Variants in KCNJ6 observed in about 807,000 individuals in gnomAD.
The protein encoded by KCNJ6 is potassium inwardly rectifying channel subfamily J member 6, also known as G protein-activated inward rectifier potassium channel 2.
KCNJ6 carries 9 observed loss-of-function variants against 34.2 expected under a neutral mutation model. That is an observed-to-expected ratio of 0.26 (90% CI 0.16 to 0.46). The LOEUF is 0.46. KCNJ6 is among the 20% of genes least tolerant of loss of function. The pLI is 1.00. For missense variants in KCNJ6, 236 were observed against 531.3 expected (o/e 0.44, Z 5.46); for synonymous variants, 196 against 207.1 (o/e 0.95, Z 0.46).
intron 2 of KCNJ6, among the ~76,000 whole-genome samples, chr21:37,792,503 T>C (rs2055221591): frequency 1.3e-5 from 2 of 152,228 alleles, no homozygotes; most frequent in South Asian, 2.1e-4. Context: ...TGCAATATTA[T>C]GGGAAAAGCA....
intron 1 of KCNJ6, among the ~76,000 whole-genome samples, chr21:37,854,252 C>T (rs1035861875): frequency 3.3e-5 from 5 of 151,394 alleles, no homozygotes; most frequent in Admixed American, 2.6e-4. Context: ...AGATGTACCA[C>T]ACAAGCATTA....
At chr21:37,769,760 C>T (rs1293979050) in intron 2 of KCNJ6, among the ~76,000 whole-genome samples, 1 of 152,056 alleles carries the variant, frequency 6.6e-6, no homozygotes, top group Non-Finnish European at 1.5e-5. Context: ...AAAGGTGGGG[C>T]CTTTAAGAGG....
chr21:37,690,785 T>C (rs2054636081), intron 3 of KCNJ6, among the ~76,000 whole-genome samples: 1 of 150,502 alleles, frequency 6.6e-6, no homozygotes, highest in Non-Finnish European at 1.5e-5. Flanking sequence ...TCTTTTCTTT[T>C]TTTTTTTTTT....
rs1274798766 is a variant in KCNJ6, at chr21:37,800,221, T to G, written c.25+40437A>C. ...AGAGGTAGCTGGGCAGAGGCTGAGCTAGCATGACACACCAAGTTGCCCACT... is the reference window on the plus strand; with the variant it reads ...AGAGGTAGCTGGGCAGAGGCTGAGCGAGCATGACACACCAAGTTGCCCACT... On this transcript the variant is annotated intron_variant, in intron 2 of 3. Coordinates refer to ENST00000609713, the MANE Select transcript of KCNJ6 (RefSeq NM_002240.5). 7.2e-5 allele frequency among the ~76,000 whole-genome samples: 11 copies of G among 152,162 alleles called. No individual in the cohort carries two copies. The South Asian group carries it at 2.3e-3, about 32-fold the overall frequency.
chr21:37,752,171 C>A (rs780896565), intron 2 of KCNJ6, among the ~76,000 whole-genome samples: 1 of 152,164 alleles, frequency 6.6e-6, no homozygotes, highest in Non-Finnish European at 1.5e-5. Flanking sequence ...TAGGTCAAGG[C>A]GGGCTGCTCT....
At chr21:37,855,866 ACTCT>A (rs141594248) in intron 1 of KCNJ6, among the ~76,000 whole-genome samples, 1 of 152,122 alleles carries the variant, frequency 6.6e-6, no homozygotes, top group Non-Finnish European at 1.5e-5. Flanking sequence ...AGAAAAAATG[ACTCT>A]CTCCACTTTT....
chr21:37,913,741 C>T (rs1174053381), intron 1 of KCNJ6, among the ~76,000 whole-genome samples: 1 of 152,170 alleles, frequency 6.6e-6, no homozygotes, highest in South Asian at 2.1e-4. Context: ...TCGCTTGAAA[C>T]CGGGACGCAG....
chr21:37,667,572 G>A (rs1321061756), intron 3 of KCNJ6, among the ~76,000 whole-genome samples: 1 of 149,564 alleles, frequency 6.7e-6, no homozygotes, highest in Non-Finnish European at 1.5e-5. Context: ...AGGCTCCAGG[G>A]TAGTGGGTGC....
chr21:37,909,723 G>T lies in KCNJ6; in HGVS notation c.-28+6161C>A, dbSNP rs181636252. Among the ~76,000 whole-genome samples, 94 of 152,212 alleles carry T rather than the reference G, an allele frequency of 6.2e-4. 1 individual carries two copies. The South Asian group carries it at 0.012, about 20-fold the overall frequency. ...CATGAATCCTCATAACATCTCTGAG[G>T]TATATGTTGTTATTATTACTCTTAT... is the stretch of plus-strand genomic sequence containing the variant. On this transcript the variant is annotated intron_variant, in intron 1 of 3. Transcript: ENST00000609713.
At chr21:37,826,124 TA>T (rs2123558881) in intron 2 of KCNJ6, among the ~76,000 whole-genome samples, 1 of 152,346 alleles carries the variant, frequency 6.6e-6, no homozygotes, top group African/African-American at 2.4e-5. Context: ...AAGTCTTCCT[TA>T]ATCCCCCAAG....
At chr21:37,626,170 G>A (rs2054310056) in intron 3 of KCNJ6, among the ~76,000 whole-genome samples, 2 of 145,020 alleles carry the variant, frequency 1.4e-5, no homozygotes, top group Non-Finnish European at 3.0e-5. Context: ...TCGCTGTGTC[G>A]CCCAGGCTGG....
At chr21:37,908,878 A>T (rs565847116) in intron 1 of KCNJ6, among the ~76,000 whole-genome samples, 1 of 152,226 alleles carries the variant, frequency 6.6e-6, no homozygotes. Context: ...AGACATTTAT[A>T]TCGGGCATGC....
At chr21:37,723,081 C>G (rs761256544) in intron 2 of KCNJ6, among the ~76,000 whole-genome samples, 13 of 151,986 alleles carry the variant, frequency 8.6e-5, no homozygotes, top group Non-Finnish European at 1.5e-4. Context: ...TTTAATTTAA[C>G]AAGGAAAAAA....
chr21:37,637,310 G>A lies in KCNJ6; in HGVS notation c.947-11826C>T, dbSNP rs551604073. 3.3e-5 allele frequency among the ~76,000 whole-genome samples: 5 copies of A among 152,278 alleles called. No individual in the cohort carries two copies. The South Asian group carries it at 1.0e-3, about 32-fold the overall frequency. On this transcript the variant is annotated intron_variant, in intron 3 of 3. Transcript: ENST00000609713. ...GGCTCAGGTTAAAAATCCCTTCAATGAACAGTTGTGTTTCTTCTATTACCC... is the reference window on the plus strand; with the variant it reads ...GGCTCAGGTTAAAAATCCCTTCAATAAACAGTTGTGTTTCTTCTATTACCC...
chr21:37,707,966 T>C (rs2054730157), intron 3 of KCNJ6, among the ~76,000 whole-genome samples: 1 of 152,120 alleles, frequency 6.6e-6, no homozygotes, highest in Non-Finnish European at 1.5e-5. Flanking sequence ...ACTTTAGAGT[T>C]TGGGTCTGAG....
rs966286717 is a variant in KCNJ6, at chr21:37,897,232, T to C, written c.-28+18652A>G. Among the ~76,000 whole-genome samples, 62 of 152,310 alleles carry C rather than the reference T, an allele frequency of 4.1e-4. 2 individuals are homozygous for C. The highest frequency in any genetic ancestry group is 1.6e-4 in the Non-Finnish European group (11 of 68,024). On this transcript the variant is annotated intron_variant, in intron 1 of 3. Transcript: ENST00000609713. ...CTCCTATTACCTTACAGAACCCCCA[T>C]TGGTGCGTGGACTCCTCCCCTTGCT...
intron 2 of KCNJ6, among the ~76,000 whole-genome samples, chr21:37,819,463 T>A (rs2055363491): frequency 1.3e-5 from 2 of 152,134 alleles, no homozygotes; most frequent in Admixed American, 1.3e-4. Context: ...GAGATTGAAA[T>A]TCCATCTGAC....
intron 3 of KCNJ6, among the ~76,000 whole-genome samples, chr21:37,638,119 G>C (rs2054366037): frequency 6.6e-6 from 1 of 152,262 alleles, no homozygotes; most frequent in Non-Finnish European, 1.5e-5. Context: ...TACATTTGAG[G>C]ACAGAGACCA....
chr21:37,624,936 G>A lies in KCNJ6; in HGVS notation c.*223C>T. The A allele has an allele frequency of 1.8e-6, 1 of 569,406 alleles. No individual in the cohort carries two copies. The highest frequency in any genetic ancestry group is 3.1e-6 in the Non-Finnish European group (1 of 322,070). The allele number at this position is 569,406 out of a possible 1,614,324, so 35.3% of individuals were successfully genotyped here. ...GAGACCAGGCTTGGGCCACAAATGA[G>A]GGCACTTTGCACTTTCATCAAATCC... On this transcript the variant is annotated 3_prime_UTR_variant, in exon 4 of 4. Coordinates refer to ENST00000609713, the MANE Select transcript of KCNJ6 (RefSeq NM_002240.5).
Sources: allele counts gnomAD v4.1 joint callset (sites outside exome capture counted in the v4.1 genomes callset), GRCh38; gene constraint gnomAD v4.1.1; transcripts MANE v1.5; gene names NCBI Gene and HGNC (gene_info 2026-07-23, HGNC 2026-07-21).